SMARCA4: variants seen among roughly 807,000 people sequenced by gnomAD.
SMARCA4 encodes SWI/SNF related BAF chromatin remodeling complex subunit ATPase 4.
Under a neutral mutation model 193.9 loss-of-function variants are expected in SMARCA4, and 31 were observed. That is an observed-to-expected ratio of 0.16 (90% CI 0.12 to 0.22). The LOEUF (loss-of-function observed/expected upper bound fraction) is 0.22. Ranked by LOEUF, SMARCA4 falls within the 10% of genes least tolerant of loss-of-function variation. The pLI is 1.00. For synonymous variants in SMARCA4, 942 were observed against 933.1 expected (o/e 1.01, Z -0.17); for missense variants, 1,148 against 2,296.0 (o/e 0.50, Z 10.22).
At chr19:11,013,659 A>G (rs1416871919) in intron 16 of SMARCA4, among the ~76,000 whole-genome samples, 1 of 152,036 alleles carries the variant, frequency 6.6e-6, no homozygotes, top group Non-Finnish European at 1.5e-5. Context: ...TTCAAGTCCC[A>G]CAACCAGCAA....
intron 13 of SMARCA4, among the ~76,000 whole-genome samples, chr19:11,004,543 G>C (rs917217850): frequency 6.6e-6 from 1 of 152,140 alleles, no homozygotes; most frequent in Non-Finnish European, 1.5e-5. Context: ...GAACCAGTGC[G>C]TCAAAGTCTG....
chr19:10,974,205 C>T (rs941137372), intron 1 of SMARCA4, among the ~76,000 whole-genome samples: 1 of 152,112 alleles, frequency 6.6e-6, no homozygotes, highest in African/African-American at 2.4e-5. Context: ...GGCTGGTCAC[C>T]GCAGTGCTTT....
intron 1 of SMARCA4, among the ~76,000 whole-genome samples, chr19:10,964,001 TA>T (rs936304912): frequency 6.6e-6 from 1 of 152,184 alleles, no homozygotes; most frequent in Non-Finnish European, 1.5e-5. Context: ...ATGGGCCACC[TA>T]AAATCATTTT....
chr19:11,058,343 G>A lies in SMARCA4; in HGVS notation c.4513G>A (p.Val1505Met), dbSNP rs372893370. ...GTACTACGAGCTCATCCGCAAGCCC[G>A]TGGACTTCAAGAAGATAAAGGTAAC... ...PEYYELIRKP[V>M]DFKKIKERIR... The change falls in exon 31 of 35, where the codon GTG becomes ATG. Residue 1505 changes from valine (V) to methionine (M), a missense_variant. Physicochemically the swap from Val to Met is conservative, Grantham distance 21 (BLOSUM62 1). Coordinates refer to ENST00000344626, the MANE Select transcript of SMARCA4 (RefSeq NM_003072.5). This position sits in a 1 kb window ranked among gnomAD's most constrained non-coding sequence, Gnocchi z 5.8. 55 of 1,611,958 alleles carry A rather than the reference G, an allele frequency of 3.4e-5. No homozygotes were observed. Among genetic ancestry groups the A allele is most frequent in the Non-Finnish European group, 4.3e-5 (51 of 1,178,506 alleles).
intron 30 of SMARCA4, among the ~76,000 whole-genome samples, chr19:11,047,985 T>C (rs1045131736): frequency 3.0e-4 from 45 of 152,284 alleles, no homozygotes; most frequent in African/African-American, 1.0e-3. Context: ...TTGCCCATCA[T>C]TGTCTAGAAG....
At chr19:10,978,067 C>T (rs2085283416) in intron 1 of SMARCA4, among the ~76,000 whole-genome samples, 1 of 152,192 alleles carries the variant, frequency 6.6e-6, no homozygotes, top group Admixed American at 6.5e-5. Context: ...TCAGTTGTTA[C>T]CATCAAGTAG....
intron 11 of SMARCA4, among the ~76,000 whole-genome samples, chr19:10,998,474 C>T (rs1044649355): frequency 6.6e-6 from 1 of 151,580 alleles, no homozygotes; most frequent in African/African-American, 2.4e-5. Flanking sequence ...GTTGTAACTC[C>T]TCAGAATTCC....
Position 11,041,528 on chromosome 19 carries a change from G to A in SMARCA4, c.4392G>A (p.Lys1464=), listed in dbSNP as rs1600469159. Residue 1464 remains lysine (K), a synonymous_variant, in exon 30 of 35, where the codon AAG becomes AAA. Coordinates refer to ENST00000344626, the MANE Select transcript of SMARCA4 (RefSeq NM_003072.5). The surrounding 1 kb of genome is among the most constrained non-coding windows in gnomAD (Gnocchi z 5.6). ...NPPNLTKKMK[K]IVDAVIKYKD... Reference sequence around the variant, plus strand: ...CCAACCTCACCAAGAAGATGAAGAAGATTGTGGATGCCGTGATCAAGTACA... The same window carrying A: ...CCAACCTCACCAAGAAGATGAAGAAAATTGTGGATGCCGTGATCAAGTACA... The A allele has an allele frequency of 3.1e-6, 5 of 1,613,732 alleles. No individual in the cohort carries two copies. The East Asian group carries it at 8.9e-5, about 29-fold the overall frequency.
At chr19:10,995,874 G>C (rs1256281369) in intron 9 of SMARCA4, 1 of 406,062 alleles carries the variant, frequency 2.5e-6, no homozygotes, top group Non-Finnish European at 4.7e-6. Context: ...GGGGGCTGCT[G>C]TAGGAGGTGG....
chr19:11,010,103 G>A (rs1394436867), intron 14 of SMARCA4, among the ~76,000 whole-genome samples: 1 of 152,190 alleles, frequency 6.6e-6, no homozygotes, highest in African/African-American at 2.4e-5. Flanking sequence ...TGAAATTACA[G>A]GCGTGAGCCA....
chr19:10,984,604 C>G lies in SMARCA4; in HGVS notation c.222+231C>G, dbSNP rs889848676. On this transcript the variant is annotated intron_variant, in intron 2 of 34. Transcript: ENST00000344626. This position sits in a 1 kb window ranked among gnomAD's most constrained non-coding sequence, Gnocchi z 4.3. ...CTGGGCCCCGCGGGCACCTGCCCCA[C>G]CGTTTCCCGCTCCCTTGCTTTCTGC... Among the ~76,000 whole-genome samples the G allele has an allele frequency of 6.6e-6, 1 of 152,282 alleles. No individual in the cohort carries two copies. The highest frequency in any genetic ancestry group is 2.4e-5 in the African/African-American group (1 of 41,480).
chr19:11,043,296 GAAAA>G (rs1242657460), intron 30 of SMARCA4, among the ~76,000 whole-genome samples: 1 of 151,308 alleles, frequency 6.6e-6, no homozygotes, highest in Admixed American at 6.6e-5. Flanking sequence ...CTCAAAAAGA[GAAAA>G]AAAGAAAGGT....
At chr19:10,978,388 A>C (rs1350475664) in intron 1 of SMARCA4, among the ~76,000 whole-genome samples, 1 of 152,058 alleles carries the variant, frequency 6.6e-6, no homozygotes, top group Non-Finnish European at 1.5e-5. Flanking sequence ...GCTGGAGTGC[A>C]ATGATGTAAT....
chr19:10,987,841 G>A lies in SMARCA4; in HGVS notation c.1035G>A (p.Leu345=). 1 of 1,611,394 alleles carries A rather than the reference G, an allele frequency of 6.2e-7. No individual in the cohort carries two copies. Among genetic ancestry groups the A allele is most frequent in the Non-Finnish European group, 8.5e-7 (1 of 1,179,310 alleles). Residue 345 remains leucine (L), a synonymous_variant, in exon 6 of 35, where the codon CTG becomes CTA. Transcript: ENST00000344626. The surrounding 1 kb of genome is among the most constrained non-coding windows in gnomAD (Gnocchi z 5.3). ...QPAQPAPMVP[L]HQKQSRITPI... ...CCCAGCCCGCGCCCATGGTGCCACT[G>A]CACCAGAAGCAGAGCCGCATCACCC...
At chr19:11,027,255 G>A (rs898336605) in intron 23 of SMARCA4, among the ~76,000 whole-genome samples, 7 of 152,140 alleles carry the variant, frequency 4.6e-5, no homozygotes, top group African/African-American at 1.7e-4. Context: ...AGGCTGGGAG[G>A]CCTGGCTTGG....
chr19:11,006,183 GTTGTAT>G (rs1361608101), intron 13 of SMARCA4, among the ~76,000 whole-genome samples: 1 of 152,222 alleles, frequency 6.6e-6, no homozygotes. Context: ...AATCAACTGT[GTTGTAT>G]TTGTAGGATT....
At chr19:11,046,050 C>T (rs1166023042) in intron 30 of SMARCA4, among the ~76,000 whole-genome samples, 2 of 152,104 alleles carry the variant, frequency 1.3e-5, no homozygotes, top group Middle Eastern at 3.2e-3. Flanking sequence ...AGTGAAACCC[C>T]GTCTCTACTA....
At chr19:10,965,059 C>T (rs1448241461) in intron 1 of SMARCA4, among the ~76,000 whole-genome samples, 1 of 152,178 alleles carries the variant, frequency 6.6e-6, no homozygotes, top group Non-Finnish European at 1.5e-5. Context: ...TGCCATGGCA[C>T]AGAAGGACCC....
chr19:11,023,885 C>T (rs2090050866), intron 20 of SMARCA4, among the ~76,000 whole-genome samples: 1 of 152,244 alleles, frequency 6.6e-6, no homozygotes, highest in Admixed American at 6.5e-5. Context: ...GGCCAGGTGC[C>T]TGTGCGGGCT....
Sources: allele counts gnomAD v4.1 joint callset (sites outside exome capture counted in the v4.1 genomes callset), GRCh38; gene constraint gnomAD v4.1.1; non-coding constraint Gnocchi (gnomAD v3.1); transcripts MANE v1.5; gene names NCBI Gene and HGNC (gene_info 2026-07-23, HGNC 2026-07-21).